The following RBM15 variants were observed in gnomAD, a reference collection of about 807,000 sequenced individuals.
RBM15 encodes RNA-binding protein 15.
RBM15 carries 8 observed loss-of-function variants against 62.6 expected under a neutral mutation model. That is an observed-to-expected ratio of 0.13 (90% CI 0.07 to 0.23). RBM15 has a LOEUF of 0.23. Among genes scored for constraint, RBM15 ranks in the 10% least tolerant of loss-of-function variants. RBM15 has a pLI of 1.00. For synonymous variants in RBM15, 606 were observed against 505.7 expected, an observed-to-expected ratio of 1.20 and a Z score of -2.66; for missense variants, 1,144 against 1,286.5, an observed-to-expected ratio of 0.89 and a Z score of 1.69.
Position 110,339,485 on chromosome 1 carries a change from C to T in RBM15, c.80C>T (p.Ala27Val), listed in dbSNP as rs199647726. The change falls in exon 1 of 3, where the codon GCG becomes GTG. Residue 27 changes from alanine (A) to valine (V), a missense_variant. Physicochemically the swap from Ala to Val is moderately conservative, Grantham distance 64. Coordinates refer to ENST00000369784, the MANE Select transcript of RBM15 (RefSeq NM_022768.5). ...RRAVPLCETS[A>V]GRRVTQLRGD... ...GCGGTTCCGCTGTGTGAAACGAGCGCGGGGCGGCGGGTTACTCAGCTCCGC... is the reference window on the plus strand; with the variant it reads ...GCGGTTCCGCTGTGTGAAACGAGCGTGGGGCGGCGGGTTACTCAGCTCCGC... The T allele has an allele frequency of 6.8e-5, 107 of 1,574,070 alleles. No individual in the cohort carries two copies. In the Admixed American group the frequency reaches 1.2e-3, roughly 18 times the overall value.
chr1:110,341,665 C>G lies in RBM15; in HGVS notation c.2260C>G (p.Pro754Ala). ...KKEDRSDGSA[P>A]STSTASSKLK... ...AGAAGACCGCTCTGATGGGAGTGCA[C>G]CTAGCACCAGCACTGCTTCCTCCAA... The change falls in exon 1 of 3, where the codon CCT (proline) becomes GCT (alanine). Residue 754 changes from proline (P) to alanine (A), a missense_variant. This residue lies in a region of RBM15 where 360 missense variants were observed against 342.9 expected (regional missense o/e 1.05). Transcript: ENST00000369784. The surrounding 1 kb of genome is among the most constrained non-coding windows in gnomAD (Gnocchi z 4.5). The G allele has an allele frequency of 6.2e-7, 1 of 1,614,132 alleles. No homozygotes were observed. Among genetic ancestry groups the G allele is most frequent in the Non-Finnish European group, 8.5e-7 (1 of 1,180,038 alleles).
intron 1 of RBM15, among the ~76,000 whole-genome samples, chr1:110,344,356 G>A (rs1172650062): frequency 6.6e-6 from 1 of 152,080 alleles, no homozygotes; most frequent in African/African-American, 2.4e-5. Context: ...TAATTTTACT[G>A]TCATCCAAAA....
Position 110,341,802 on chromosome 1 carries a change from T to C in RBM15, c.2397T>C (p.Phe799=), listed in dbSNP as rs752253256. The C allele has an allele frequency of 6.2e-7, 1 of 1,614,214 alleles. No individual in the cohort carries two copies. The highest frequency in any genetic ancestry group is 8.5e-7 in the Non-Finnish European group (1 of 1,180,040). ...TGCTTCTACTGAAGAACAGCAACTT[T>C]CCTTCCAACATGCATCTGTTGCAGG... ...QGMLLLKNSN[F]PSNMHLLQGD... The change falls in exon 1 of 3, where the codon TTT becomes TTC. Residue 799 remains phenylalanine, a synonymous_variant. Transcript: ENST00000369784. This position sits in a 1 kb window ranked among gnomAD's most constrained non-coding sequence, Gnocchi z 4.5.
Position 110,340,143 on chromosome 1 carries a change from G to T in RBM15, c.738G>T (p.Lys246Asn). Reference sequence around the variant, plus strand: ...TGGTGCTCTATGACCGGCCTCTGAAGATAGAAGCTGTGTATGTGAGCCGGC... The same window carrying T: ...TGGTGCTCTATGACCGGCCTCTGAATATAGAAGCTGTGTATGTGAGCCGGC... ...GRLVLYDRPL[K>N]IEAVYVSRRR... Residue 246 changes from lysine (K) to asparagine (N), a missense_variant, in exon 1 of 3, where the codon AAG (lysine) becomes AAT (asparagine). By Grantham distance (94) the Lys-to-Asn change is moderately conservative. Around this residue, in one of 8 missense-constraint regions of RBM15, gnomAD observed 188 missense variants for 185.6 expected, o/e 1.01. Transcript: ENST00000369784. The surrounding 1 kb of genome is among the most constrained non-coding windows in gnomAD (Gnocchi z 5.8). 2 of 1,613,916 alleles carry T rather than the reference G, an allele frequency of 1.2e-6. No homozygotes were observed. Among genetic ancestry groups the T allele is most frequent in the Non-Finnish European group, 8.5e-7 (1 of 1,179,936 alleles).
At chr1:110,343,285 A>C (rs1234096336) in intron 1 of RBM15, among the ~76,000 whole-genome samples, 1 of 152,200 alleles carries the variant, frequency 6.6e-6, no homozygotes, top group Non-Finnish European at 1.5e-5. Context: ...GTCATCATAA[A>C]ATGCCTTTGA....
At position 110,339,675 on chromosome 1, in the gene RBM15, C is replaced by A. The variant is rs1452483518; in HGVS notation, c.270C>A (p.Ser90Arg). The A allele has an allele frequency of 6.2e-7, 1 of 1,612,982 alleles. No homozygotes were observed. The highest frequency in any genetic ancestry group is 1.1e-5 in the South Asian group (1 of 91,082). Residue 90 changes from serine to arginine, a missense_variant, in exon 1 of 3, where the codon AGC becomes AGA. Transcript: ENST00000369784. ...GGAGCAGCAGCGGAAAGACCGATAG[C>A]GGCGGTGGGTCGCGGCGGAGTCTCC... ...SNGSSSGKTD[S>R]GGGSRRSLHL...
rs770976560 is a variant in RBM15, at chr1:110,346,291, T to C, written c.*41-17T>C. ...AACATTTGTACTGAATAACCTTTTT[T>C]TCCCCCCCTCCGCAAGCAAAACTGG... On this transcript the variant is annotated splice_polypyrimidine_tract_variant and intron_variant, in intron 2 of 2. Transcript: ENST00000369784. The C allele has an allele frequency of 5.9e-5, 95 of 1,597,880 alleles. No individual in the cohort carries two copies. Among genetic ancestry groups the C allele is most frequent in the East Asian group, 6.7e-5 (3 of 44,888 alleles).
At position 110,339,487 on chromosome 1, in the gene RBM15, G is replaced by A; in HGVS notation, c.82G>A (p.Gly28Arg). 6.3e-7 allele frequency: 1 copy of A among 1,577,496 alleles called. No homozygotes were observed. The highest frequency in any genetic ancestry group is 2.3e-5 in the East Asian group (1 of 44,312). Residue 28 changes from glycine (G) to arginine (R), a missense_variant, in exon 1 of 3, where the codon GGG (glycine) becomes AGG (arginine). By Grantham distance (125) the Gly-to-Arg change is moderately radical. Coordinates refer to ENST00000369784, the MANE Select transcript of RBM15 (RefSeq NM_022768.5). Reference sequence around the variant, plus strand: ...GGTTCCGCTGTGTGAAACGAGCGCGGGGCGGCGGGTTACTCAGCTCCGCGG... The same window carrying A: ...GGTTCCGCTGTGTGAAACGAGCGCGAGGCGGCGGGTTACTCAGCTCCGCGG... The part of the protein sequence containing the change: ...RAVPLCETSA[G>R]RRVTQLRGDD...
At position 110,340,931 on chromosome 1, in the gene RBM15, A is replaced by G. The variant is rs778454025; in HGVS notation, c.1526A>G (p.His509Arg). ...SLDAAHAAWT[H>R]MRGFPLGGPD... is the part of the protein sequence containing the mutation. ...GATGCAGCGCATGCTGCCTGGACCCATATGCGGGGCTTCCCACTTGGTGGC... is the reference window on the plus strand; with the variant it reads ...GATGCAGCGCATGCTGCCTGGACCCGTATGCGGGGCTTCCCACTTGGTGGC... The change falls in exon 1 of 3, where the codon CAT becomes CGT. Residue 509 changes from histidine to arginine, a missense_variant. His to Arg is a conservative substitution (Grantham distance 29, BLOSUM62 0). Around this residue, in one of 8 missense-constraint regions of RBM15, gnomAD observed 105 missense variants for 193.6 expected, o/e 0.54. Transcript: ENST00000369784. This position sits in a 1 kb window ranked among gnomAD's most constrained non-coding sequence, Gnocchi z 5.8. 1.5e-5 allele frequency: 25 copies of G among 1,614,218 alleles called. No individual in the cohort carries two copies. Among genetic ancestry groups the G allele is most frequent in the South Asian group, 9.9e-5 (9 of 91,082 alleles).
chr1:110,341,093 G>C lies in RBM15; in HGVS notation c.1688G>C (p.Gly563Ala). ...FGHRAPDPLR[G>A]ARDRTPPLLY... The stretch of plus-strand genomic sequence containing the variant: ...CATCGGGCACCAGACCCTTTGAGGG[G>C]TGCTCGGGATAGGACACCACCCTTA... The change falls in exon 1 of 3, where the codon GGT becomes GCT. Residue 563 changes from glycine (G) to alanine (A), a missense_variant. Physicochemically the swap from Gly to Ala is moderately conservative, Grantham distance 60 (BLOSUM62 0). This residue lies in a region of RBM15 where 360 missense variants were observed against 342.9 expected (regional missense o/e 1.05). Coordinates refer to ENST00000369784, the MANE Select transcript of RBM15 (RefSeq NM_022768.5). The surrounding 1 kb of genome is among the most constrained non-coding windows in gnomAD (Gnocchi z 4.5). The C allele has an allele frequency of 6.2e-7, 1 of 1,614,172 alleles. No individual in the cohort carries two copies. The highest frequency in any genetic ancestry group is 2.2e-5 in the East Asian group (1 of 44,880).
At position 110,342,027 on chromosome 1, in the gene RBM15, C is replaced by T. The variant is rs771104153; in HGVS notation, c.2622C>T (p.Ser874=). Residue 874 remains serine, a synonymous_variant, in exon 1 of 3, where the codon TCC becomes TCT. Coordinates refer to ENST00000369784, the MANE Select transcript of RBM15 (RefSeq NM_022768.5). ...PGSSDSRSSS[S]SAASDTATST... ...GTTCTGACAGCCGGTCCTCCTCTTCCTCAGCTGCATCAGACACTGCCACTT... is the reference window on the plus strand; with the variant it reads ...GTTCTGACAGCCGGTCCTCCTCTTCTTCAGCTGCATCAGACACTGCCACTT... The T allele has an allele frequency of 1.4e-5, 23 of 1,614,110 alleles. No homozygotes were observed. The highest frequency in any genetic ancestry group is 4.0e-5 in the African/African-American group (3 of 74,936).
At chr1:110,344,223 AT>A (rs1198046066) in intron 1 of RBM15, among the ~76,000 whole-genome samples, 1 of 152,212 alleles carries the variant, frequency 6.6e-6, no homozygotes, top group Non-Finnish European at 1.5e-5. Context: ...TCATAGTATA[AT>A]TTGTGGCCAG....
In RBM15 at chr1:110,341,481, C is replaced by T. The variant is rs762953512; in HGVS notation, c.2076C>T (p.Ser692=). The change falls in exon 1 of 3, where the codon TCC becomes TCT. Residue 692 remains serine, a synonymous_variant. Transcript: ENST00000369784. The surrounding 1 kb of genome is among the most constrained non-coding windows in gnomAD (Gnocchi z 4.5). ...ACAACAGCGACAATGATCGATCTTC[C>T]CGTCTTCTCTTGGAAAGGCCCTCTC... ...DRYNSDNDRS[S]RLLLERPSPI... 13 of 1,613,994 alleles carry T rather than the reference C, an allele frequency of 8.1e-6. No homozygotes were observed. The highest frequency in any genetic ancestry group is 1.0e-5 in the Non-Finnish European group (12 of 1,180,044).
At chr1:110,344,738 C>G (rs574253901) in intron 1 of RBM15, among the ~76,000 whole-genome samples, 2 of 152,248 alleles carry the variant, frequency 1.3e-5, no homozygotes, top group East Asian at 3.9e-4. Flanking sequence ...AAAACCGGTT[C>G]TACTTCTCAT....
intron 1 of RBM15, 85 bp from the exon 2 acceptor site, chr1:110,345,454 T>C: frequency 3.4e-6 from 3 of 878,336 alleles, no homozygotes; most frequent in Non-Finnish European, 5.7e-6. Flanking sequence ...GGAAATCCTC[T>C]TGAGAAGAGG....
In RBM15 at chr1:110,342,404, T is replaced by G. The variant is rs149659592; in HGVS notation, c.2863+136T>G. 360 of 626,696 alleles carry G rather than the reference T, an allele frequency of 5.7e-4. 3 individuals carry two copies. The East Asian group carries it at 0.011, about 18-fold the overall frequency. 38.8% of individuals were successfully genotyped at this position (626,696 alleles called of 1,614,324 possible). On this transcript the variant is annotated intron_variant, in intron 1 of 2. Coordinates refer to ENST00000369784, the MANE Select transcript of RBM15 (RefSeq NM_022768.5). ...TTGTAGCATTTTCTTTTTTATATTT[T>G]TATAAACGTCTTTAAAATAGAAATC...
chr1:110,339,641 G>T lies in RBM15; in HGVS notation c.236G>T (p.Gly79Val). ...ERSKKLGGSGGSNGSSSGKTD... is the reference protein window; with the variant it reads ...ERSKKLGGSGVSNGSSSGKTD... The stretch of plus-strand genomic sequence containing the variant: ...AGCAAGAAGTTAGGGGGCTCTGGTG[G>T]CAGCAATGGGAGCAGCAGCGGAAAG... Residue 79 changes from glycine (G) to valine (V), a missense_variant, in exon 1 of 3, where the codon GGC becomes GTC. Gly to Val is a moderately radical substitution (Grantham distance 109). This residue lies in a region of RBM15 where 298 missense variants were observed against 250.0 expected (regional missense o/e 1.19). Coordinates refer to ENST00000369784, the MANE Select transcript of RBM15 (RefSeq NM_022768.5). 1 of 1,613,366 alleles carries T rather than the reference G, an allele frequency of 6.2e-7. No individual in the cohort carries two copies. Among genetic ancestry groups the T allele is most frequent in the Non-Finnish European group, 8.5e-7 (1 of 1,179,898 alleles).
At chr1:110,342,819 T>G (rs1375414119) in intron 1 of RBM15, 1 of 152,376 alleles carries the variant, frequency 6.6e-6, no homozygotes, top group Admixed American at 6.5e-5. Context: ...GGTATTTGAG[T>G]ATTTCTTAAG....
chr1:110,345,478 T>G, intron 1 of RBM15, 61 bp from the exon 2 acceptor site: 1 of 1,202,206 alleles, frequency 8.3e-7, no homozygotes, highest in Non-Finnish European at 1.2e-6. Context: ...TTAATGACCT[T>G]TTATGTGAAA....
Sources: gnomAD v4.1 joint callset for allele counts (sites outside exome capture counted in the v4.1 genomes callset) on GRCh38, gnomAD v4.1.1 for gene constraint, gnomAD v4.1.1 regional missense constraint, Gnocchi (gnomAD v3.1) non-coding constraint, MANE v1.5 for transcripts, NCBI Gene and HGNC (gene_info 2026-07-23, HGNC 2026-07-21) for gene names.